The following CASS4 variants were observed in gnomAD, a reference collection of about 807,000 sequenced individuals.
CASS4 encodes the protein Cas scaffold protein family member 4.
CASS4 carries 22 observed loss-of-function variants against 54.2 expected under a neutral mutation model. The ratio of observed to expected loss-of-function variants is 0.41; its 90% confidence interval spans 0.29 to 0.58. The LOEUF (loss-of-function observed/expected upper bound fraction) is 0.58, where lower values mean the gene tolerates loss of function less well. Ranked by LOEUF, CASS4 falls within the 20% of genes least tolerant of loss-of-function variation. The pLI is 0.36. For synonymous variants in CASS4, 409 were observed against 391.5 expected, an observed-to-expected ratio of 1.04 and a Z score of -0.53; for missense variants, 854 against 986.7, an observed-to-expected ratio of 0.87 and a Z score of 1.80.
chr20:56,422,419 G>A (rs1379154617), intron 1 of CASS4, among the ~76,000 whole-genome samples: 1 of 152,232 alleles, frequency 6.6e-6, no homozygotes, highest in East Asian at 1.9e-4. Context: ...CAGACATACA[G>A]TAGGTGCTTG....
chr20:56,426,251 C>G (rs1979631543), intron 1 of CASS4, among the ~76,000 whole-genome samples: 1 of 152,210 alleles, frequency 6.6e-6, no homozygotes, highest in South Asian at 2.1e-4. Context: ...CTCTCTGTGC[C>G]TTGGCTTACT....
chr20:56,416,341 C>T (rs1460673432), intron 1 of CASS4, among the ~76,000 whole-genome samples: 3 of 152,132 alleles, frequency 2.0e-5, no homozygotes, highest in Admixed American at 6.6e-5. Flanking sequence ...TGAGCCACTG[C>T]GCCCAGCCAG....
intron 3 of CASS4, among the ~76,000 whole-genome samples, chr20:56,446,994 CACT>C (rs1980745844): frequency 6.6e-6 from 1 of 152,062 alleles, no homozygotes; most frequent in African/African-American, 2.4e-5. Flanking sequence ...GATCACTTGA[CACT>C]AGGAGTTCGA....
chr20:56,425,634 G>C (rs1026737196), intron 1 of CASS4, among the ~76,000 whole-genome samples: 4 of 152,250 alleles, frequency 2.6e-5, no homozygotes, highest in African/African-American at 9.6e-5. Flanking sequence ...GAAAGGGCTT[G>C]CGTGGTAACG....
chr20:56,437,498 A>G lies in CASS4; in HGVS notation c.371A>G (p.Gln124Arg). ...EQMRSWAEGPQPPTAQVYEFP... is the reference protein window; with the variant it reads ...EQMRSWAEGPRPPTAQVYEFP... ...ATGAGGAGTTGGGCGGAGGGGCCCCAGCCCCCTACTGCCCAAGTCTATGAA... is the reference window on the plus strand; with the variant it reads ...ATGAGGAGTTGGGCGGAGGGGCCCCGGCCCCCTACTGCCCAAGTCTATGAA... Residue 124 changes from glutamine to arginine, a missense_variant, in exon 2 of 6, where the codon CAG becomes CGG. Physicochemically the swap from Gln to Arg is conservative, Grantham distance 43 (BLOSUM62 1). Coordinates refer to ENST00000679887, the MANE Select transcript of CASS4 (RefSeq NM_020356.4). This position sits in a 1 kb window ranked among gnomAD's most constrained non-coding sequence, Gnocchi z 4.7. The G allele has an allele frequency of 6.2e-7, 1 of 1,606,622 alleles. No homozygotes were observed. The highest frequency in any genetic ancestry group is 8.5e-7 in the Non-Finnish European group (1 of 1,176,268).
chr20:56,433,687 C>T lies in CASS4; in HGVS notation c.37-3477C>T, dbSNP rs113466561. ...ACCAGGAAGTACAGTCATTGTCCAT[C>T]GGCTGTAGCTCAGCTCTCTGCTTTT... On this transcript the variant is annotated intron_variant, in intron 1 of 5. Coordinates refer to ENST00000679887, the MANE Select transcript of CASS4 (RefSeq NM_020356.4). Among the ~76,000 whole-genome samples the T allele has an allele frequency of 3.2e-3, 481 of 152,294 alleles. 2 individuals are homozygous for T. Among genetic ancestry groups the T allele is most frequent in the African/African-American group, 0.011 (458 of 41,554 alleles).
chr20:56,459,333 T>C lies in CASS4; in HGVS notation c.*586T>C. The C allele has an allele frequency of 5.5e-6, 1 of 181,532 alleles. No individual in the cohort carries two copies. Among genetic ancestry groups the C allele is most frequent in the Non-Finnish European group, 1.2e-5 (1 of 81,902 alleles). The allele number at this position is 181,532 out of a possible 1,614,324, so 11.2% of individuals were successfully genotyped here. A position where few individuals can be genotyped will look rare whatever the true frequency, so the allele number is the denominator to read the frequency against. On this transcript the variant is annotated 3_prime_UTR_variant, in exon 6 of 6. Coordinates refer to ENST00000679887, the MANE Select transcript of CASS4 (RefSeq NM_020356.4). ...TATATTCCCAATAAAACATGTACAA[T>C]TCTCCAGAGAGCGGTGACATTTTCA...
chr20:56,427,712 A>C (rs1288630599), intron 1 of CASS4, among the ~76,000 whole-genome samples: 3 of 152,214 alleles, frequency 2.0e-5, no homozygotes, highest in African/African-American at 7.2e-5. Context: ...CCCATGTATC[A>C]AAAGATCTGT....
intron 1 of CASS4, among the ~76,000 whole-genome samples, chr20:56,420,723 G>GT (rs971607349): frequency 3.3e-5 from 5 of 152,058 alleles, no homozygotes; most frequent in African/African-American, 1.2e-4. Context: ...TCTCCCCACG[G>GT]TTGAAAGGGG....
chr20:56,436,336 ATGTG>A (rs35972653), intron 1 of CASS4, among the ~76,000 whole-genome samples: 31 of 142,458 alleles, frequency 2.2e-4, no homozygotes, highest in South Asian at 1.5e-3. Flanking sequence ...TGCTATATAT[ATGTG>A]TGTGTGTGTG....
chr20:56,425,590 A>G (rs1434459717), intron 1 of CASS4, among the ~76,000 whole-genome samples: 1 of 152,222 alleles, frequency 6.6e-6, no homozygotes, highest in Non-Finnish European at 1.5e-5. Context: ...GATGGACTCA[A>G]AGTCAAAATT....
intron 3 of CASS4, among the ~76,000 whole-genome samples, chr20:56,450,315 C>T (rs191807985): frequency 4.4e-4 from 67 of 152,292 alleles, no homozygotes; most frequent in African/African-American, 1.5e-3. Context: ...TGAGCCACCA[C>T]GCCCGGCTGA....
chr20:56,452,936 T>C lies in CASS4; in HGVS notation c.1760T>C (p.Leu587Pro). The C allele has an allele frequency of 2.5e-6, 4 of 1,614,086 alleles. No homozygotes were observed. The highest frequency in any genetic ancestry group is 3.4e-6 in the Non-Finnish European group (4 of 1,180,024). Residue 587 changes from leucine to proline, a missense_variant, in exon 5 of 6, where the codon CTT becomes CCT. Transcript: ENST00000679887. ...ASIVIANGRL[L>P]FKRNCEKEET... The stretch of plus-strand genomic sequence containing the variant: ...ATTGTCATTGCCAATGGAAGGCTCC[T>C]TTTTAAGCGGAACTGTGAAAAGGAA...
chr20:56,445,812 C>T, intron 2 of CASS4, 88 bp from the exon 3 acceptor site: 1 of 1,039,256 alleles, frequency 9.6e-7, no homozygotes, highest in Non-Finnish European at 1.4e-6. Flanking sequence ...ACCCAGCTGT[C>T]TCTGCTTTTG....
chr20:56,412,509 G>A lies in CASS4; in HGVS notation c.36+15G>A, dbSNP rs759381098. On this transcript the variant is annotated intron_variant, in intron 1 of 5. Coordinates refer to ENST00000679887, the MANE Select transcript of CASS4 (RefSeq NM_020356.4). This position sits in a 1 kb window ranked among gnomAD's most constrained non-coding sequence, Gnocchi z 4.2. ...GTGCGCCCAAGGTGAGTGATGTGGGGCTGTTTGAATGGGCTCTGGCGGGGA... is the reference window on the plus strand; with the variant it reads ...GTGCGCCCAAGGTGAGTGATGTGGGACTGTTTGAATGGGCTCTGGCGGGGA... 50 of 1,610,922 alleles carry A rather than the reference G, an allele frequency of 3.1e-5. No homozygotes were observed. The highest frequency in any genetic ancestry group is 5.1e-6 in the Non-Finnish European group (6 of 1,178,532).
intron 1 of CASS4, among the ~76,000 whole-genome samples, chr20:56,432,788 C>T (rs1157197167): frequency 6.6e-6 from 1 of 152,222 alleles, no homozygotes; most frequent in African/African-American, 2.4e-5. Flanking sequence ...CCACTCCCAA[C>T]ACATTCAAGG....
intron 5 of CASS4, among the ~76,000 whole-genome samples, chr20:56,455,896 A>G (rs910200056): frequency 6.6e-6 from 1 of 152,032 alleles, no homozygotes; most frequent in African/African-American, 2.4e-5. Flanking sequence ...GCACCACTGC[A>G]CTCCAGCCTG....
At chr20:56,424,504 G>A (rs180686538) in intron 1 of CASS4, among the ~76,000 whole-genome samples, 188 of 152,222 alleles carry the variant, frequency 1.2e-3, no homozygotes, top group South Asian at 2.7e-3. Flanking sequence ...ACTTTGGGAG[G>A]TCAAGGCGGG....
At chr20:56,428,966 T>C (rs552679737) in intron 1 of CASS4, among the ~76,000 whole-genome samples, 67 of 149,844 alleles carry the variant, frequency 4.5e-4, no homozygotes, top group African/African-American at 1.7e-3. Context: ...GCAGCTTTGC[T>C]CTTTTGAGTA....
Sources: allele counts gnomAD v4.1 joint callset (sites outside exome capture counted in the v4.1 genomes callset), GRCh38; gene constraint gnomAD v4.1.1; non-coding constraint Gnocchi (gnomAD v3.1); transcripts MANE v1.5; gene names NCBI Gene and HGNC (gene_info 2026-07-23, HGNC 2026-07-21).